The following PTPRD variants were observed in gnomAD, a reference collection of about 807,000 sequenced individuals.
The protein encoded by PTPRD is receptor-type tyrosine-protein phosphatase delta.
In PTPRD, 34 loss-of-function variants were observed where a neutral mutation model predicts 214.5. That is an observed-to-expected ratio of 0.16 (90% confidence interval 0.12 to 0.21). The LOEUF (loss-of-function observed/expected upper bound fraction) is 0.21. PTPRD is among the 10% of genes least tolerant of loss of function. The probability of loss-of-function intolerance (pLI) is 1.00; values close to 1 mark genes in which losing one functional copy is unlikely to be tolerated. For missense variants in PTPRD, 2,545 were observed against 2,398.7 expected, an observed-to-expected ratio of 1.06 and a Z score of -1.27; for synonymous variants, 1,128 against 845.7, an observed-to-expected ratio of 1.33 and a Z score of -5.79.
chr9:8,806,743 A>C (rs1034432856), intron 11 of PTPRD, among the ~76,000 whole-genome samples: 1 of 152,180 alleles, frequency 6.6e-6, no homozygotes, highest in Non-Finnish European at 1.5e-5. Context: ...CATCTGATTA[A>C]AGGGGTTTTA....
rs999015005 is a variant in PTPRD, at chr9:9,912,465, C to T, written c.-368+26042G>A. Among the ~76,000 whole-genome samples, 4 of 152,144 alleles carry T rather than the reference C, an allele frequency of 2.6e-5. No homozygotes were observed. In the East Asian group the frequency reaches 5.8e-4, roughly 22 times the overall value. On this transcript the variant is annotated intron_variant, in intron 5 of 45. Transcript: ENST00000381196. Reference sequence around the variant, plus strand: ...GGACTCCTCAGCATAAAATAATGTTCTTTTTGCCATATGAATTAAGGTTGA... The same window carrying T: ...GGACTCCTCAGCATAAAATAATGTTTTTTTTGCCATATGAATTAAGGTTGA...
At chr9:9,078,104 T>C (rs1440603578) in intron 10 of PTPRD, among the ~76,000 whole-genome samples, 1 of 152,090 alleles carries the variant, frequency 6.6e-6, no homozygotes, top group African/African-American at 2.4e-5. Flanking sequence ...ATTTGAGTCC[T>C]TGAAATCAAA....
chr9:9,510,767 C>G lies in PTPRD; in HGVS notation c.-237+63965G>C, dbSNP rs1441695361. Among the ~76,000 whole-genome samples, 3 of 151,438 alleles carry G rather than the reference C, an allele frequency of 2.0e-5. No individual in the cohort carries two copies. In the Admixed American group the frequency reaches 2.0e-4, roughly 10 times the overall value. On this transcript the variant is annotated intron_variant, in intron 8 of 45. Transcript: ENST00000381196. ...ATCATGCATCCTTGATTTACCACCT[C>G]ATTATATAATAAAATAAAATAGTGG... is the stretch of plus-strand genomic sequence containing the variant.
At chr9:10,029,038 A>C (rs1471551753) in intron 4 of PTPRD, among the ~76,000 whole-genome samples, 1 of 152,092 alleles carries the variant, frequency 6.6e-6, no homozygotes, top group Non-Finnish European at 1.5e-5. Flanking sequence ...GTTGTGGCTG[A>C]AAGGGGCCAA....
chr9:8,773,132 G>T (rs1262018251), intron 11 of PTPRD, among the ~76,000 whole-genome samples: 1 of 152,120 alleles, frequency 6.6e-6, no homozygotes, highest in African/African-American at 2.4e-5. Context: ...GCAAGCTCCA[G>T]AGATTGTTTC....
rs2095693135 is a variant in PTPRD, at chr9:9,487,381, GA to G, written c.-237+87350del. Among the ~76,000 whole-genome samples the G allele has an allele frequency of 2.6e-5, 4 of 152,232 alleles. No individual in the cohort carries two copies. The South Asian group carries it at 8.3e-4, about 32-fold the overall frequency. On this transcript the variant is annotated intron_variant, in intron 8 of 45. Coordinates refer to ENST00000381196, the MANE Select transcript of PTPRD (RefSeq NM_002839.4). ...CAGCTTCATCCATGTCCCCACAAAG[GA>G]CACGAACTCATCCTTTTTTATGGCT...
intron 7 of PTPRD, among the ~76,000 whole-genome samples, chr9:9,674,984 T>C (rs1397958307): frequency 6.6e-6 from 1 of 151,790 alleles, no homozygotes; most frequent in Non-Finnish European, 1.5e-5. Flanking sequence ...ATTGGACAGA[T>C]AGGATACATA....
At chr9:9,706,970 T>A (rs780655236) in intron 7 of PTPRD, among the ~76,000 whole-genome samples, 1 of 152,088 alleles carries the variant, frequency 6.6e-6, no homozygotes, top group Non-Finnish European at 1.5e-5. Context: ...TAATTTGTTA[T>A]CAGCAAAGAT....
intron 9 of PTPRD, among the ~76,000 whole-genome samples, chr9:9,247,284 C>A (rs1442508397): frequency 6.6e-6 from 1 of 152,056 alleles, no homozygotes; most frequent in African/African-American, 2.4e-5. Context: ...GGTTTCCCAA[C>A]TCAGTCTATT....
chr9:9,342,319 T>C (rs988317503), intron 9 of PTPRD, among the ~76,000 whole-genome samples: 16 of 152,292 alleles, frequency 1.1e-4, no homozygotes, highest in African/African-American at 2.6e-4. Context: ...GCCACTTTAC[T>C]TGAATTTTAA....
intron 3 of PTPRD, among the ~76,000 whole-genome samples, chr9:10,065,395 T>C (rs2097859178): frequency 6.6e-6 from 1 of 151,930 alleles, no homozygotes; most frequent in African/African-American, 2.4e-5. Flanking sequence ...AGCTTTGTTG[T>C]GGTCAGATGG....
At chr9:9,474,643 T>C (rs2094887171) in intron 8 of PTPRD, among the ~76,000 whole-genome samples, 1 of 151,700 alleles carries the variant, frequency 6.6e-6, no homozygotes, top group Non-Finnish European at 1.5e-5. Flanking sequence ...ATTTTCATTG[T>C]AGACATATTT....
intron 45 of PTPRD, among the ~76,000 whole-genome samples, chr9:8,318,580 C>T (rs968798052): frequency 8.6e-5 from 13 of 152,010 alleles, no homozygotes; most frequent in Non-Finnish European, 8.8e-5. Context: ...ACCAGGCACA[C>T]AAATCCATTT....
chr9:10,278,995 C>A (rs987672894), intron 3 of PTPRD, among the ~76,000 whole-genome samples: 1 of 152,058 alleles, frequency 6.6e-6, no homozygotes, highest in Admixed American at 6.5e-5. Context: ...AGGATGATCT[C>A]GATCTCCTGG....
chr9:9,429,398 G>A (rs1242240750), intron 8 of PTPRD, among the ~76,000 whole-genome samples: 1 of 152,124 alleles, frequency 6.6e-6, no homozygotes, highest in African/African-American at 2.4e-5. Flanking sequence ...CTGAAATTGA[G>A]GCAATAATGA....
At chr9:9,152,088 G>A (rs1452778450) in intron 10 of PTPRD, among the ~76,000 whole-genome samples, 1 of 152,194 alleles carries the variant, frequency 6.6e-6, no homozygotes, top group Non-Finnish European at 1.5e-5. Flanking sequence ...TAACTGAGTT[G>A]GAATCTTCTG....
intron 11 of PTPRD, among the ~76,000 whole-genome samples, chr9:8,841,584 C>A: frequency 6.6e-6 from 1 of 152,126 alleles, no homozygotes; most frequent in Non-Finnish European, 1.5e-5. Flanking sequence ...GCTATAAACA[C>A]TGCTTAATAC....
rs552011207 is a variant in PTPRD, at chr9:8,804,041, C to A, written c.-103-70095G>T. Reference sequence around the variant, plus strand: ...AATCTTGGCTCACTGCAACTTCTGCCCCCTGGGTTCAAGCAATTCTCCTGC... The same window carrying A: ...AATCTTGGCTCACTGCAACTTCTGCACCCTGGGTTCAAGCAATTCTCCTGC... On this transcript the variant is annotated intron_variant, in intron 11 of 45. Transcript: ENST00000381196. 9.9e-5 allele frequency among the ~76,000 whole-genome samples: 15 copies of A among 152,044 alleles called. No homozygotes were observed. In the South Asian group the frequency reaches 2.9e-3, roughly 30 times the overall value.
chr9:9,196,541 A>G (rs1329170055), intron 9 of PTPRD, among the ~76,000 whole-genome samples: 1 of 152,198 alleles, frequency 6.6e-6, no homozygotes, highest in African/African-American at 2.4e-5. Flanking sequence ...TTCTAATCCC[A>G]TCCCTACTCT....
Sources: gnomAD v4.1 joint callset for allele counts (sites outside exome capture counted in the v4.1 genomes callset) on GRCh38, gnomAD v4.1.1 for gene constraint, MANE v1.5 for transcripts, NCBI Gene and HGNC (gene_info 2026-07-23, HGNC 2026-07-21) for gene names.